Variants in ECM2 observed in about 807,000 individuals in gnomAD.
ECM2 encodes the protein extracellular matrix protein 2, also known as extracellular matrix protein 2, female organ and adipocyte specific.
ECM2 carries 57 observed loss-of-function variants against 67.5 expected under a neutral mutation model. The ratio of observed to expected loss-of-function variants is 0.84; its 90% CI spans 0.68 to 1.05. The LOEUF is 1.05. ECM2 is among the 50% of genes least tolerant of loss of function. The pLI is 0.00. For missense variants in ECM2, 741 were observed against 822.8 expected (o/e 0.90, Z 1.22); for synonymous variants, 258 against 294.5 (o/e 0.88, Z 1.27).
intron 1 of ECM2, among the ~76,000 whole-genome samples, chr9:92,532,587 T>C (rs79232881): frequency 0.012 from 1,863 of 152,294 alleles, 36 homozygotes; most frequent in African/African-American, 0.042. Context: ...TTCCAGTTCA[T>C]TGATACTCTC....
chr9:92,517,286 T>G, intron 3 of ECM2: 1 of 244,238 alleles, frequency 4.1e-6, no homozygotes. Flanking sequence ...CACTCTTCCT[T>G]TGTTTACCCT....
intron 4 of ECM2, among the ~76,000 whole-genome samples, chr9:92,513,804 G>A (rs543232682): frequency 1.3e-5 from 2 of 152,314 alleles, no homozygotes; most frequent in East Asian, 3.9e-4. Context: ...GAATTTTGGG[G>A]AGTGATAGAA....
chr9:92,533,695 C>T (rs1848998484), intron 1 of ECM2, among the ~76,000 whole-genome samples: 1 of 152,044 alleles, frequency 6.6e-6, no homozygotes, highest in East Asian at 1.9e-4. Flanking sequence ...CTCTTTTTCT[C>T]AGAGAATGTT....
Position 92,495,482 on chromosome 9 carries a change from T to G in ECM2, c.*833A>C. On this transcript the variant is annotated 3_prime_UTR_variant, in exon 10 of 10. Coordinates refer to ENST00000344604, the MANE Select transcript of ECM2 (RefSeq NM_001393.4). ...ATTTTTCAAAAATTTATACATTAGA[T>G]TTACCTTTACAAGGTTATAGTCAAG... 1 of 984,078 alleles carries G rather than the reference T, an allele frequency of 1.0e-6. No individual in the cohort carries two copies. Among genetic ancestry groups the G allele is most frequent in the Non-Finnish European group, 1.2e-6 (1 of 828,668 alleles). 61.0% of individuals were successfully genotyped at this position (984,078 alleles called of 1,614,324 possible).
chr9:92,537,834 C>T (rs1849224818), upstream of ECM2, among the ~76,000 whole-genome samples: 1 of 152,136 alleles, frequency 6.6e-6, no homozygotes, highest in Non-Finnish European at 1.5e-5. Context: ...TTTTCACTAC[C>T]ATAGTGAGAT....
At chr9:92,539,469 C>A (rs1050748084), upstream of ECM2, among the ~76,000 whole-genome samples, 4 of 151,514 alleles carry the variant, frequency 2.6e-5, no homozygotes, top group African/African-American at 9.7e-5. Context: ...AAGGGCTCAG[C>A]TTAATTAAAG....
At chr9:92,508,938 A>G (rs1847171436) in intron 6 of ECM2, among the ~76,000 whole-genome samples, 1 of 152,116 alleles carries the variant, frequency 6.6e-6, no homozygotes, top group Admixed American at 6.5e-5. Flanking sequence ...CTAGACTATT[A>G]GGAAGATAAA....
At chr9:92,520,805 G>T (rs902939975) in intron 2 of ECM2, among the ~76,000 whole-genome samples, 1 of 152,146 alleles carries the variant, frequency 6.6e-6, no homozygotes, top group Non-Finnish European at 1.5e-5. Context: ...TCTGATACAG[G>T]CTAATAATAG....
chr9:92,544,329 A>T, the ECM2 span, among the ~76,000 whole-genome samples: 217 of 152,228 alleles, frequency 1.4e-3, no homozygotes, highest in Non-Finnish European at 2.3e-3. Flanking sequence ...TACAAAAATT[A>T]GCCGGGTGTG....
chr9:92,505,641 T>C lies in ECM2; in HGVS notation c.1356A>G (p.Glu452=). Residue 452 remains glutamate, a synonymous_variant, in exon 7 of 10, where the codon GAA becomes GAG. Transcript: ENST00000344604. The part of the protein sequence containing the change: ...TLELEGNNLS[E]ANVNPLAFKP... ...TGAAAGCTAAAGGATTGACATTGGC[T>C]TCACTGAGATTGTTTCCTTCCAATT... The C allele has an allele frequency of 6.2e-7, 1 of 1,608,190 alleles. No individual in the cohort carries two copies. Among genetic ancestry groups the C allele is most frequent in the South Asian group, 1.1e-5 (1 of 88,910 alleles).
the ECM2 span, among the ~76,000 whole-genome samples, chr9:92,542,639 C>A: frequency 6.6e-6 from 1 of 152,130 alleles, no homozygotes. Context: ...GCCTCAGCCT[C>A]CCCAGTAGCT....
At chr9:92,554,430 G>A in the ECM2 span, among the ~76,000 whole-genome samples, 3 of 152,082 alleles carry the variant, frequency 2.0e-5, no homozygotes, top group East Asian at 1.9e-4. Context: ...TGATCCACCC[G>A]CATCACCCTC....
Position 92,509,820 on chromosome 9 carries a change from T to C in ECM2, c.1306+79A>G, listed in dbSNP as rs1029715890. 3 of 1,389,648 alleles carry C rather than the reference T, an allele frequency of 2.2e-6. No individual in the cohort carries two copies. The African/African-American group carries it at 4.5e-5, about 21-fold the overall frequency. The allele number at this position is 1,389,648 out of a possible 1,614,324, so 86.1% of individuals were successfully genotyped here. A position where few individuals can be genotyped will look rare whatever the true frequency, so the allele number is the denominator to read the frequency against. ...TATTTACTATTTATTCATTTGGCAA[T>C]ACAGTAAATAAAATTTCTACAGGAC... On this transcript the variant is annotated intron_variant, in intron 6 of 9. Coordinates refer to ENST00000344604, the MANE Select transcript of ECM2 (RefSeq NM_001393.4).
chr9:92,517,414 A>G (rs1847796601), intron 3 of ECM2: 2 of 579,418 alleles, frequency 3.5e-6, no homozygotes, highest in Non-Finnish European at 6.1e-6. Flanking sequence ...TTCTGTTACC[A>G]TATCTCTAAA....
the ECM2 span, among the ~76,000 whole-genome samples, chr9:92,546,341 C>T: frequency 4.6e-5 from 7 of 152,292 alleles, no homozygotes; most frequent in Admixed American, 2.6e-4. Context: ...GGTCCCCTTC[C>T]ACTGTGTGGA....
At chr9:92,525,893 C>CAAAAAA (rs71362395) in intron 1 of ECM2, among the ~76,000 whole-genome samples, 1 of 43,904 alleles carries the variant, frequency 2.3e-5, no homozygotes, top group Non-Finnish European at 4.8e-5. Context: ...ACTCTATCTC[C>CAAAAAA]AAAAAAAAAA....
At chr9:92,551,496 C>T in the ECM2 span, among the ~76,000 whole-genome samples, 1 of 152,038 alleles carries the variant, frequency 6.6e-6, no homozygotes, top group Admixed American at 6.6e-5. Context: ...TACCACCACA[C>T]CTGGCTAATT....
In ECM2 at chr9:92,497,583, C is replaced by T. The variant is rs138455740; in HGVS notation, c.1932-1100G>A. On this transcript the variant is annotated intron_variant, in intron 9 of 9. Coordinates refer to ENST00000344604, the MANE Select transcript of ECM2 (RefSeq NM_001393.4). ...AGGTTGCAGTGAGCTGAGATCACGC[C>T]GTTGCACTTCTGCCTGGGCAACAAG... Among the ~76,000 whole-genome samples, 19 of 149,716 alleles carry T rather than the reference C, an allele frequency of 1.3e-4. No homozygotes were observed. The East Asian group carries it at 2.4e-3, about 19-fold the overall frequency.
intron 8 of ECM2, 122 bp from the exon 9 acceptor site, chr9:92,501,175 T>C: frequency 2.1e-6 from 2 of 970,522 alleles, no homozygotes; most frequent in Non-Finnish European, 3.0e-6. Context: ...TTTGTAGTGA[T>C]GATTCCAAAT....
Sources: gnomAD v4.1 joint callset for allele counts (sites outside exome capture counted in the v4.1 genomes callset) on GRCh38, gnomAD v4.1.1 for gene constraint, MANE v1.5 for transcripts, NCBI Gene and HGNC (gene_info 2026-07-23, HGNC 2026-07-21) for gene names.